GSAP: variants seen among roughly 807,000 people sequenced by gnomAD.
GSAP encodes gamma-secretase activating protein, also known as gamma-secretase-activating protein.
A neutral mutation model predicts 131.7 loss-of-function variants in GSAP; 118 were observed. The observed-to-expected ratio is 0.90, with a 90% CI of 0.77 to 1.04. The LOEUF (loss-of-function observed/expected upper bound fraction) is 1.04. Among genes scored for constraint, GSAP ranks in the 50% least tolerant of loss-of-function variants. The probability of loss-of-function intolerance (pLI) is 0.00; values close to 1 mark genes in which losing one functional copy is unlikely to be tolerated. For missense variants in GSAP, 1,019 were observed against 1,013.2 expected (o/e 1.01, Z -0.08); for synonymous variants, 381 against 363.4 (o/e 1.05, Z -0.55).
At chr7:77,331,574 G>A (rs1250929838) in intron 19 of GSAP, among the ~76,000 whole-genome samples, 6 of 152,204 alleles carry the variant, frequency 3.9e-5, no homozygotes, top group African/African-American at 1.4e-4. Flanking sequence ...ATGCCCTCAT[G>A]TTAAATTATA....
At chr7:77,337,090 G>A (rs1213131103) in intron 19 of GSAP, among the ~76,000 whole-genome samples, 2 of 152,190 alleles carry the variant, frequency 1.3e-5, no homozygotes, top group Admixed American at 1.3e-4. Flanking sequence ...TGTCTGTATT[G>A]TGGGGTCAAG....
chr7:77,381,013 A>G (rs1797717596), intron 8 of GSAP, among the ~76,000 whole-genome samples: 1 of 152,224 alleles, frequency 6.6e-6, no homozygotes, highest in Non-Finnish European at 1.5e-5. Context: ...ACATATGTGC[A>G]TCTAACCTTG....
intron 9 of GSAP, 150 bp downstream of exon 9, chr7:77,377,136 G>A: frequency 1.1e-6 from 1 of 938,804 alleles, no homozygotes; most frequent in South Asian, 2.2e-5. Context: ...TGCATCACTT[G>A]AGCCCAGGAG....
chr7:77,343,741 T>C (rs1305132912), intron 19 of GSAP, among the ~76,000 whole-genome samples: 1 of 152,198 alleles, frequency 6.6e-6, no homozygotes, highest in African/African-American at 2.4e-5. Context: ...ACAAGACAAA[T>C]GGTTCTTAGA....
chr7:77,410,004 A>T (rs1314345597), intron 1 of GSAP, among the ~76,000 whole-genome samples: 1 of 151,900 alleles, frequency 6.6e-6, no homozygotes, highest in African/African-American at 2.4e-5. Context: ...TGTGGAGCCC[A>T]CTCTCTGGTG....
chr7:77,319,380 C>CA (rs1459487429), intron 26 of GSAP, among the ~76,000 whole-genome samples: 2 of 152,106 alleles, frequency 1.3e-5, no homozygotes, highest in Non-Finnish European at 2.9e-5. Flanking sequence ...TGGCTACTAT[C>CA]AAAAAACCAC....
chr7:77,351,373 T>TA, intron 18 of GSAP: 1 of 966,016 alleles, frequency 1.0e-6, no homozygotes. Context: ...AGTTGTCTCC[T>TA]ACAAAAATGT....
chr7:77,323,512 T>C, intron 24 of GSAP, 135 bp downstream of exon 24: 1 of 542,146 alleles, frequency 1.8e-6, no homozygotes. Context: ...CAGCACCAAA[T>C]ACTGATTTAA....
chr7:77,382,366 T>A (rs1797926011), intron 7 of GSAP, among the ~76,000 whole-genome samples: 1 of 152,082 alleles, frequency 6.6e-6, no homozygotes, highest in Non-Finnish European at 1.5e-5. Flanking sequence ...ATTCCCAGGA[T>A]GAGAAAGCTG....
intron 19 of GSAP, among the ~76,000 whole-genome samples, chr7:77,347,516 G>A (rs925457843): frequency 1.4e-4 from 22 of 152,084 alleles, no homozygotes. Context: ...GATGATTATT[G>A]TTGCAGTGTG....
chr7:77,390,481 C>A (rs1799296279), intron 5 of GSAP, among the ~76,000 whole-genome samples: 1 of 152,098 alleles, frequency 6.6e-6, no homozygotes, highest in Non-Finnish European at 1.5e-5. Context: ...AGGAAGGGAT[C>A]CAGTTTCAGC....
chr7:77,356,258 C>A (rs1476926949), intron 14 of GSAP, among the ~76,000 whole-genome samples: 1 of 152,152 alleles, frequency 6.6e-6, no homozygotes, highest in Non-Finnish European at 1.5e-5. Flanking sequence ...TTAATTTATA[C>A]CTGCAGTTTT....
At chr7:77,334,178 G>A (rs1422411271) in intron 19 of GSAP, among the ~76,000 whole-genome samples, 2 of 152,058 alleles carry the variant, frequency 1.3e-5, no homozygotes, top group East Asian at 1.9e-4. Context: ...CAATCCAAAT[G>A]CCCATTAATG....
chr7:77,411,842 T>C (rs1314651441), intron 1 of GSAP, among the ~76,000 whole-genome samples: 1 of 152,188 alleles, frequency 6.6e-6, no homozygotes, highest in African/African-American at 2.4e-5. Flanking sequence ...TGAGGGGACT[T>C]ACCCTACCAG....
intron 9 of GSAP, 119 bp from the exon 10 acceptor site, chr7:77,377,026 A>T: frequency 1.5e-6 from 1 of 679,886 alleles, no homozygotes; most frequent in Non-Finnish European, 2.5e-6. Context: ...GAACTGCAGT[A>T]ATAATAATGT....
chr7:77,403,643 C>T (rs1403151377), intron 3 of GSAP, among the ~76,000 whole-genome samples: 1 of 152,106 alleles, frequency 6.6e-6, no homozygotes, highest in Non-Finnish European at 1.5e-5. Context: ...GAAGGTTAAG[C>T]AGAAGCAGAA....
chr7:77,322,154 G>A (rs1486490267), intron 24 of GSAP, among the ~76,000 whole-genome samples: 1 of 152,202 alleles, frequency 6.6e-6, no homozygotes, highest in Non-Finnish European at 1.5e-5. Context: ...ACAGGCAAAC[G>A]CTATCCTTGA....
At chr7:77,334,509 A>G (rs1304764708) in intron 19 of GSAP, among the ~76,000 whole-genome samples, 1 of 149,256 alleles carries the variant, frequency 6.7e-6, no homozygotes, top group Non-Finnish European at 1.5e-5. Flanking sequence ...GGTGCAGCAA[A>G]CCACCATGGC....
rs1026929473 is a variant in GSAP, at chr7:77,320,935, A to G, written c.1995-116T>C. On this transcript the variant is annotated intron_variant, in intron 25 of 30. Coordinates refer to ENST00000257626, the MANE Select transcript of GSAP (RefSeq NM_017439.4). ...GGGTTCATGCTAATCATGAAATGCT[A>G]TGCCTTGTAGAAAGCCCCATAAATA... 8 of 684,912 alleles carry G rather than the reference A, an allele frequency of 1.2e-5. No individual in the cohort carries two copies. In the African/African-American group the frequency reaches 1.3e-4, roughly 11 times the overall value. The allele number at this position is 684,912 out of a possible 1,614,324, so 42.4% of individuals were successfully genotyped here.
Sources: allele counts gnomAD v4.1 joint callset (sites outside exome capture counted in the v4.1 genomes callset), GRCh38; gene constraint gnomAD v4.1.1; transcripts MANE v1.5; gene names NCBI Gene and HGNC (gene_info 2026-07-23, HGNC 2026-07-21).